GRIP1: variants seen among roughly 807,000 people sequenced by gnomAD.
GRIP1 encodes the protein glutamate receptor-interacting protein 1.
A neutral mutation model predicts 129.9 loss-of-function variants in GRIP1; 45 were observed. The ratio of observed to expected loss-of-function variants is 0.35; its 90% CI spans 0.27 to 0.44. The LOEUF (loss-of-function observed/expected upper bound fraction) is 0.44. Among genes scored for constraint, GRIP1 ranks in the 20% least tolerant of loss-of-function variants. The pLI, the probability that GRIP1 is intolerant of heterozygous loss-of-function variation, is 1.00. For synonymous variants in GRIP1, 530 were observed against 520.8 expected, an observed-to-expected ratio of 1.02 and a Z score of -0.24; for missense variants, 1,196 against 1,396.8, an observed-to-expected ratio of 0.86 and a Z score of 2.29.
At chr12:66,709,092 C>T (rs1443724589) in intron 1 of GRIP1, among the ~76,000 whole-genome samples, 2 of 151,764 alleles carry the variant, frequency 1.3e-5, no homozygotes, top group African/African-American at 2.4e-5. Context: ...ATTTACTATA[C>T]AGCAAATAAA....
intron 1 of GRIP1, among the ~76,000 whole-genome samples, chr12:66,748,680 A>G (rs1364635640): frequency 1.3e-5 from 2 of 152,074 alleles, no homozygotes; most frequent in African/African-American, 4.8e-5. Context: ...GCTTTCCTTC[A>G]CAGCCCTGAT....
chr12:66,423,418 T>G (rs918327867), intron 14 of GRIP1, among the ~76,000 whole-genome samples: 2 of 152,224 alleles, frequency 1.3e-5, no homozygotes, highest in Admixed American at 6.5e-5. Flanking sequence ...CTCCTTTAGA[T>G]GGAGCCTTTG....
intron 1 of GRIP1, among the ~76,000 whole-genome samples, chr12:67,058,426 C>A (rs552586308): frequency 1.3e-5 from 2 of 152,316 alleles, no homozygotes; most frequent in South Asian, 4.1e-4. Flanking sequence ...TAAATTCACA[C>A]AAGAAGTCTT....
chr12:66,579,236 C>T (rs2063273332), intron 2 of GRIP1, among the ~76,000 whole-genome samples: 1 of 152,120 alleles, frequency 6.6e-6, no homozygotes, highest in African/African-American at 2.4e-5. Context: ...AGAGAAAGGA[C>T]ATCCACACCA....
chr12:66,609,654 T>C (rs1005672207), intron 1 of GRIP1, among the ~76,000 whole-genome samples: 3 of 152,168 alleles, frequency 2.0e-5, no homozygotes, highest in Admixed American at 2.0e-4. Flanking sequence ...CTTTCTTCCA[T>C]AAATCTTGCC....
chr12:66,592,559 T>C (rs2063885922), intron 2 of GRIP1, among the ~76,000 whole-genome samples: 1 of 152,204 alleles, frequency 6.6e-6, no homozygotes, highest in Non-Finnish European at 1.5e-5. Context: ...ATTTGTCAAT[T>C]GTCCAGAATT....
intron 2 of GRIP1, among the ~76,000 whole-genome samples, chr12:66,559,619 G>A (rs2062449299): frequency 6.6e-6 from 1 of 151,904 alleles, no homozygotes; most frequent in Admixed American, 6.6e-5. Context: ...ATTAAAAGAA[G>A]TGAAAGGTCT....
intron 1 of GRIP1, among the ~76,000 whole-genome samples, chr12:66,728,889 A>G (rs1338007553): frequency 6.6e-5 from 10 of 152,176 alleles, no homozygotes; most frequent in African/African-American, 2.4e-4. Flanking sequence ...GGTGATGTCT[A>G]TAAATCCCTC....
At chr12:67,010,613 T>C (rs573590565) in intron 1 of GRIP1, among the ~76,000 whole-genome samples, 1 of 152,008 alleles carries the variant, frequency 6.6e-6, no homozygotes, top group East Asian at 1.9e-4. Context: ...TGAGAAAGAA[T>C]AGAAAGAAAT....
At chr12:66,501,370 G>T (rs1013856088) in intron 7 of GRIP1, among the ~76,000 whole-genome samples, 1 of 152,082 alleles carries the variant, frequency 6.6e-6, no homozygotes, top group African/African-American at 2.4e-5. Context: ...TTGTAGTCTT[G>T]TTTCTTTTGA....
At chr12:66,878,009 T>C (rs1337322306) in intron 1 of GRIP1, among the ~76,000 whole-genome samples, 1 of 152,106 alleles carries the variant, frequency 6.6e-6, no homozygotes, top group Non-Finnish European at 1.5e-5. Context: ...TGCTTTGCCA[T>C]GTAGAGGAGT....
At chr12:66,694,533 T>C (rs766109292) in intron 1 of GRIP1, among the ~76,000 whole-genome samples, 7 of 152,216 alleles carry the variant, frequency 4.6e-5, no homozygotes, top group Non-Finnish European at 8.8e-5. Flanking sequence ...TATTATTATA[T>C]GTTGTTATCA....
chr12:66,526,105 A>C lies in GRIP1; in HGVS notation c.502+3726T>G, dbSNP rs1164347462. ...CAACGTGAAAATGGCCATACTGCCC[A>C]AGGTAATTTATAGATTCAATGCCAT... On this transcript the variant is annotated intron_variant, in intron 5 of 24. Transcript: ENST00000359742. Among the ~76,000 whole-genome samples the C allele has an allele frequency of 3.9e-5, 6 of 152,124 alleles. No individual in the cohort carries two copies. The South Asian group carries it at 8.3e-4, about 21-fold the overall frequency.
intron 1 of GRIP1, among the ~76,000 whole-genome samples, chr12:66,925,112 A>G (rs182024836): frequency 2.6e-4 from 40 of 152,352 alleles, no homozygotes; most frequent in African/African-American, 8.4e-4. Context: ...GATAAGATTC[A>G]TAGGAAGAGA....
chr12:66,550,921 C>G (rs191593806), intron 2 of GRIP1, among the ~76,000 whole-genome samples: 2 of 152,128 alleles, frequency 1.3e-5, no homozygotes, highest in Admixed American at 6.5e-5. Flanking sequence ...CAGGATATCT[C>G]GGAATCACAC....
chr12:66,678,341 T>C (rs1407450252), intron 1 of GRIP1, among the ~76,000 whole-genome samples: 1 of 152,168 alleles, frequency 6.6e-6, no homozygotes, highest in African/African-American at 2.4e-5. Context: ...TTTCTGAACA[T>C]GCAATTCTAA....
At chr12:66,826,757 A>G (rs976878582) in intron 1 of GRIP1, among the ~76,000 whole-genome samples, 1 of 152,088 alleles carries the variant, frequency 6.6e-6, no homozygotes, top group Non-Finnish European at 1.5e-5. Flanking sequence ...CCAAAGCACA[A>G]AATTCTAAAT....
At chr12:66,844,907 T>C (rs990832984) in intron 1 of GRIP1, among the ~76,000 whole-genome samples, 4 of 152,136 alleles carry the variant, frequency 2.6e-5, no homozygotes, top group Admixed American at 6.5e-5. Flanking sequence ...GTTTCTAGAA[T>C]AGTCAAATTC....
chr12:66,507,618 T>C (rs2060570181), intron 7 of GRIP1, among the ~76,000 whole-genome samples: 1 of 152,186 alleles, frequency 6.6e-6, no homozygotes, highest in South Asian at 2.1e-4. Flanking sequence ...TAATAATCTC[T>C]TCTGAAGACT....
Sources: gnomAD v4.1 joint callset for allele counts (sites outside exome capture counted in the v4.1 genomes callset) on GRCh38, gnomAD v4.1.1 for gene constraint, MANE v1.5 for transcripts, NCBI Gene and HGNC (gene_info 2026-07-23, HGNC 2026-07-21) for gene names.